Variants in SLC12A3 observed in about 807,000 individuals in gnomAD.
SLC12A3 encodes Na-Cl cotransporter.
Under a neutral mutation model 121.0 loss-of-function variants are expected in SLC12A3, and 104 were observed. The observed-to-expected ratio is 0.86, with a 90% CI of 0.73 to 1.01. The LOEUF (loss-of-function observed/expected upper bound fraction) is 1.01, where lower values mean the gene tolerates loss of function less well. Among genes scored for constraint, SLC12A3 ranks in the 50% least tolerant of loss-of-function variants. The pLI is 0.00. For synonymous variants in SLC12A3, 536 were observed against 533.4 expected (o/e 1.00, Z -0.07); for missense variants, 1,328 against 1,356.3 (o/e 0.98, Z 0.33).
At position 56,868,317 on chromosome 16, in the gene SLC12A3, T is replaced by G. The variant is rs143714318; in HGVS notation, c.450T>G (p.Ile150Met). 1.7e-5 allele frequency: 27 copies of G among 1,613,954 alleles called. No homozygotes were observed. The highest frequency in any genetic ancestry group is 2.7e-5 in the African/African-American group (2 of 74,946). ...KGVMIRCMLN[I>M]WGVILYLRLP... ...CCCAGATTCGTTGCATGCTCAACAT[T>G]TGGGGCGTGATCCTCTACCTGCGGC... The change falls in exon 3 of 26, where the codon ATT becomes ATG. Residue 150 changes from isoleucine to methionine, a missense_variant. Transcript: ENST00000563236.
At chr16:56,872,904 C>T in intron 8 of SLC12A3, 118 bp downstream of exon 8, 3 of 1,332,092 alleles carry the variant, frequency 2.3e-6, no homozygotes, top group Non-Finnish European at 3.2e-6. Flanking sequence ...TTCTAAAATC[C>T]AGTCCAGTCC....
At chr16:56,890,188 C>T in intron 18 of SLC12A3, 86 bp from the exon 19 acceptor site, 1 of 983,804 alleles carries the variant, frequency 1.0e-6, no homozygotes, top group Non-Finnish European at 1.6e-6. Flanking sequence ...GCAGAGCCAA[C>T]TCTAGATATC....
intron 15 of SLC12A3, 23 bp from the exon 16 acceptor site, chr16:56,886,341 G>T: frequency 6.3e-7 from 1 of 1,579,984 alleles, no homozygotes; most frequent in Non-Finnish European, 8.7e-7. Context: ...GATGGCTCCT[G>T]CCCTTTTCCC....
intron 14 of SLC12A3, 106 bp downstream of exon 14, chr16:56,884,310 G>T (rs1381979508): frequency 8.4e-7 from 1 of 1,185,042 alleles, no homozygotes; most frequent in Non-Finnish European, 1.2e-6. Context: ...GCTCTGTGCT[G>T]TCCAGGGCCC....
intron 15 of SLC12A3, among the ~76,000 whole-genome samples, chr16:56,885,648 A>G (rs1446490716): frequency 6.6e-6 from 1 of 152,154 alleles, no homozygotes; most frequent in African/African-American, 2.4e-5. Flanking sequence ...CTCCCATCAC[A>G]GTATCGCCGG....
chr16:56,893,370 C>T (rs1000421640), intron 21 of SLC12A3, among the ~76,000 whole-genome samples: 5 of 152,022 alleles, frequency 3.3e-5, no homozygotes, highest in African/African-American at 1.2e-4. Context: ...TTTCACTTCA[C>T]AATGAAATAT....
rs373578740 is a variant in SLC12A3, at chr16:56,880,232, G to A, written c.1546G>A (p.Ala516Thr). ...TGGCTACCTGCTGGCCTACGCCATC[G>A]CTGTGGCCTTCATCATCATCGGTAA... is the stretch of plus-strand genomic sequence containing the variant. Reference protein sequence around the residue: ...VRGYLLAYAIAVAFIIIAELN... With the variant: ...VRGYLLAYAITVAFIIIAELN... The change falls in exon 12 of 26, where the codon GCT becomes ACT. Residue 516 changes from alanine to threonine, a missense_variant. Ala to Thr is a moderately conservative substitution (Grantham distance 58). Coordinates refer to ENST00000563236, the MANE Select transcript of SLC12A3 (RefSeq NM_001126108.2). 1.8e-5 allele frequency: 29 copies of A among 1,584,494 alleles called. No individual in the cohort carries two copies. The highest frequency in any genetic ancestry group is 5.4e-5 in the Admixed American group (3 of 55,196).
intron 16 of SLC12A3, 149 bp downstream of exon 16, chr16:56,886,624 G>A (rs1480136217): frequency 4.0e-6 from 3 of 753,198 alleles, no homozygotes; most frequent in Non-Finnish European, 2.2e-6. Context: ...GAGTCGCCTG[G>A]GTGTGATGTC....
At chr16:56,899,503 A>C in intron 22 of SLC12A3, 27 bp from the exon 23 acceptor site, 1 of 1,575,518 alleles carries the variant, frequency 6.3e-7, no homozygotes, top group Non-Finnish European at 8.7e-7. Flanking sequence ...AAAAGTAATA[A>C]CAATAAACCC....
At chr16:56,898,394 G>T (rs1382173308) in intron 22 of SLC12A3, among the ~76,000 whole-genome samples, 1 of 152,096 alleles carries the variant, frequency 6.6e-6, no homozygotes, top group African/African-American at 2.4e-5. Context: ...GAGTAGCTGG[G>T]ACTACAGGCA....
At chr16:56,865,562 C>T in intron 1 of SLC12A3, 45 bp downstream of exon 1, 1 of 1,590,150 alleles carries the variant, frequency 6.3e-7, no homozygotes, top group Non-Finnish European at 8.6e-7. Context: ...GCTGTGTGAC[C>T]TCGACCCAGC....
At position 56,913,154 on chromosome 16, in the gene SLC12A3, A is replaced by C. The variant is rs139928813; in HGVS notation, c.2925-110A>C. 2.2e-3 allele frequency: 3,104 copies of C among 1,407,416 alleles called. 9 individuals carry two copies. The highest frequency in any genetic ancestry group is 2.7e-3 in the Non-Finnish European group (2,676 of 1,000,694). 87.2% of individuals were successfully genotyped at this position (1,407,416 alleles called of 1,614,324 possible). The stretch of plus-strand genomic sequence containing the variant: ...GGTCATTCTTAGGGTGGGTGGAAGG[A>C]GCTCTGAGGGACGGTAAACAGACTC... On this transcript the variant is annotated intron_variant, in intron 25 of 25. Transcript: ENST00000563236.
rs773177438 is a variant in SLC12A3, at chr16:56,870,174, A to C, written c.680A>C (p.Asn227Thr). ...ATCGGCCTCATTTTCGCTTTCGCCA[A>C]TGCCGTGGGTGTGGCCATGCACACG... is the stretch of plus-strand genomic sequence containing the variant. ...GSIGLIFAFA[N>T]AVGVAMHTVG... is the part of the protein sequence containing the mutation. The change falls in exon 5 of 26, where the codon AAT becomes ACT. Residue 227 changes from asparagine to threonine, a missense_variant. Coordinates refer to ENST00000563236, the MANE Select transcript of SLC12A3 (RefSeq NM_001126108.2). 1 of 1,614,086 alleles carries C rather than the reference A, an allele frequency of 6.2e-7. No individual in the cohort carries two copies. The highest frequency in any genetic ancestry group is 8.5e-7 in the Non-Finnish European group (1 of 1,180,038).
intron 8 of SLC12A3, 58 bp from the exon 9 acceptor site, chr16:56,878,019 C>T (rs1027501114): frequency 4.8e-6 from 4 of 832,246 alleles, no homozygotes; most frequent in East Asian, 5.9e-5. Flanking sequence ...TAATGTCCTC[C>T]GTCCCTCCCT....
chr16:56,884,091 T>C lies in SLC12A3; in HGVS notation c.1712T>C (p.Leu571Pro), dbSNP rs1567435909. 4.3e-6 allele frequency: 7 copies of C among 1,614,192 alleles called. No homozygotes were observed. Among genetic ancestry groups the C allele is most frequent in the Non-Finnish European group, 5.9e-6 (7 of 1,180,012 alleles). ...SFQYYNKWAA[L>P]FGAIISVVIM... ...CAATACTACAACAAGTGGGCGGCGC[T>C]GTTTGGGGCTATCATCTCCGTGGTC... Residue 571 changes from leucine to proline, a missense_variant, in exon 14 of 26, where the codon CTG (leucine) becomes CCG (proline). Leu to Pro is a moderately conservative substitution (Grantham distance 98, BLOSUM62 -3). Coordinates refer to ENST00000563236, the MANE Select transcript of SLC12A3 (RefSeq NM_001126108.2).
intron 8 of SLC12A3, 57 bp from the exon 9 acceptor site, chr16:56,878,020 G>GTCCCTCCCTCCCTCCCTCCCTCTCTCCC: frequency 6.7e-6 from 4 of 598,944 alleles, no homozygotes; most frequent in Admixed American, 5.9e-5. Flanking sequence ...AATGTCCTCC[G>GTCCCTCCCTCCCTCCCTCCCTCTCTCCC]TCCCTCCCTC....
intron 18 of SLC12A3, 42 bp downstream of exon 18, chr16:56,888,073 G>A: frequency 7.0e-7 from 1 of 1,424,886 alleles, no homozygotes; most frequent in East Asian, 2.3e-5. Flanking sequence ...CTGTTAATTT[G>A]GGCCCATTGG....
At chr16:56,878,297 G>A (rs2055192843) in intron 9 of SLC12A3, 136 bp downstream of exon 9, 1 of 704,256 alleles carries the variant, frequency 1.4e-6, no homozygotes, top group African/African-American at 1.7e-5. Context: ...GGGCTGGGAG[G>A]GTGTGGCGAC....
chr16:56,876,845 G>A (rs1282782273), intron 8 of SLC12A3, among the ~76,000 whole-genome samples: 3 of 152,226 alleles, frequency 2.0e-5, no homozygotes, highest in Non-Finnish European at 4.4e-5. Context: ...TGTCTGGAAA[G>A]TGAGCAGGTC....
Sources: allele counts gnomAD v4.1 joint callset (sites outside exome capture counted in the v4.1 genomes callset), GRCh38; gene constraint gnomAD v4.1.1; transcripts MANE v1.5; gene names NCBI Gene and HGNC (gene_info 2026-07-23, HGNC 2026-07-21).